The following TMOD2 variants were observed in gnomAD, a reference collection of about 807,000 sequenced individuals.
TMOD2 encodes tropomodulin 2, also known as tropomodulin-2.
A neutral mutation model predicts 39.9 loss-of-function variants in TMOD2; 22 were observed. The observed-to-expected ratio is 0.55, with a 90% confidence interval of 0.39 to 0.79. TMOD2 has a LOEUF of 0.79. TMOD2 is among the 30% of genes least tolerant of loss of function. The probability of loss-of-function intolerance (pLI) is 0.00; values close to 1 mark genes in which losing one functional copy is unlikely to be tolerated. For missense variants in TMOD2, 386 were observed against 413.3 expected, an observed-to-expected ratio of 0.93 and a Z score of 0.57; for synonymous variants, 123 against 146.1, an observed-to-expected ratio of 0.84 and a Z score of 1.14.
chr15:51,756,007 A>G (rs970305324), intron 1 of TMOD2, among the ~76,000 whole-genome samples: 2 of 152,184 alleles, frequency 1.3e-5, no homozygotes, highest in African/African-American at 4.8e-5. Flanking sequence ...GTTAAAACCC[A>G]GAAAGGCGCA....
intron 1 of TMOD2, among the ~76,000 whole-genome samples, chr15:51,755,927 A>G (rs1029479513): frequency 2.0e-5 from 3 of 152,040 alleles, no homozygotes; most frequent in East Asian, 1.9e-4. Flanking sequence ...CCCGGTGCCA[A>G]TCAGGAAGTT....
At chr15:51,807,586 A>C (rs2056129259) in intron 9 of TMOD2, among the ~76,000 whole-genome samples, 1 of 152,146 alleles carries the variant, frequency 6.6e-6, no homozygotes, top group Non-Finnish European at 1.5e-5. Flanking sequence ...TTGGGTCCAC[A>C]ACCAAACAAT....
At chr15:51,805,248 C>T (rs574947153) in intron 8 of TMOD2, among the ~76,000 whole-genome samples, 4 of 152,108 alleles carry the variant, frequency 2.6e-5, no homozygotes, top group South Asian at 2.1e-4. Context: ...GCAGGAGCCA[C>T]GGTGCCCGGC....
chr15:51,786,580 C>A (rs1032889079), intron 7 of TMOD2, among the ~76,000 whole-genome samples: 1 of 152,172 alleles, frequency 6.6e-6, no homozygotes, highest in Non-Finnish European at 1.5e-5. Flanking sequence ...GCAACTGAGA[C>A]TCAAAGAAGT....
chr15:51,799,035 C>A (rs1340201269), intron 8 of TMOD2, among the ~76,000 whole-genome samples: 1 of 152,186 alleles, frequency 6.6e-6, no homozygotes. Context: ...CCTCTTTTTC[C>A]CAGCGTCAGC....
chr15:51,786,188 C>T (rs1323464383), intron 7 of TMOD2, among the ~76,000 whole-genome samples: 1 of 152,080 alleles, frequency 6.6e-6, no homozygotes, highest in East Asian at 1.9e-4. Context: ...TCCTCCCCTC[C>T]TCACTCCCCG....
intron 1 of TMOD2, among the ~76,000 whole-genome samples, chr15:51,762,029 G>A (rs556692642): frequency 4.2e-4 from 64 of 151,826 alleles, no homozygotes; most frequent in Non-Finnish European, 7.7e-4. Context: ...GGCACCTGTA[G>A]TCCCAGCTAC....
chr15:51,794,263 A>T (rs901361466), intron 7 of TMOD2, among the ~76,000 whole-genome samples: 1 of 152,216 alleles, frequency 6.6e-6, no homozygotes, highest in African/African-American at 2.4e-5. Context: ...GCTGAGGTTA[A>T]ATAACCCTGT....
In TMOD2 at chr15:51,791,711, A is replaced by T. The variant is rs921720099; in HGVS notation, c.733-6486A>T. On this transcript the variant is annotated intron_variant, in intron 7 of 9. Transcript: ENST00000249700. ...CTCAGAAATAACACCACACATCTAC[A>T]ACCATCTGATCTTTGACAAACCTGA... Among the ~76,000 whole-genome samples, 4 of 152,204 alleles carry T rather than the reference A, an allele frequency of 2.6e-5. No homozygotes were observed. In the East Asian group the frequency reaches 7.7e-4, roughly 29 times the overall value.
chr15:51,812,717 A>G lies in TMOD2; in HGVS notation c.*4263A>G, dbSNP rs2056163863. On this transcript the variant is annotated 3_prime_UTR_variant, in exon 10 of 10. Coordinates refer to ENST00000249700, the MANE Select transcript of TMOD2 (RefSeq NM_014548.4). ...CTAGGTTCTGTGCTATGTTACCTGT[A>G]TTCAGTAGAAGTGTTTCTGGAGTCA... 6.6e-6 allele frequency: 1 copy of G among 152,214 alleles called. No homozygotes were observed. Among genetic ancestry groups the G allele is most frequent in the Non-Finnish European group, 1.5e-5 (1 of 68,038 alleles). The allele number at this position is 152,214 out of a possible 1,614,324, so 9.4% of individuals were successfully genotyped here. A position where few individuals can be genotyped will look rare whatever the true frequency, so the allele number is the denominator to read the frequency against.
chr15:51,783,785 A>AGATAGATAGATG (rs1555462163), intron 7 of TMOD2: 3 of 151,872 alleles, frequency 2.0e-5, no homozygotes, highest in African/African-American at 7.2e-5. Flanking sequence ...ATAGATAGAT[A>AGATAGATAGATG]GATAGATAAA....
At position 51,810,170 on chromosome 15, in the gene TMOD2, C is replaced by CGG. The variant is rs2056146912; in HGVS notation, c.*1716_*1717insGG. On this transcript the variant is annotated 3_prime_UTR_variant, in exon 10 of 10. Coordinates refer to ENST00000249700, the MANE Select transcript of TMOD2 (RefSeq NM_014548.4). ...CAGTCTGATTTTTCCTTCCCTTTCA[C>CGG]CCATTTAGGTGTGATGTGTTGGAGT... The CGG allele has an allele frequency of 6.6e-6, 1 of 152,126 alleles. No homozygotes were observed. The highest frequency in any genetic ancestry group is 6.5e-5 in the Admixed American group (1 of 15,270). The allele number at this position is 152,126 out of a possible 1,614,324, so 9.4% of individuals were successfully genotyped here.
At chr15:51,790,100 G>A (rs1259294145) in intron 7 of TMOD2, among the ~76,000 whole-genome samples, 2 of 151,964 alleles carry the variant, frequency 1.3e-5, no homozygotes, top group East Asian at 3.8e-4. Context: ...CAACAAAATA[G>A]ACCACTAGCA....
In TMOD2 at chr15:51,789,829, G is replaced by A. The variant is rs145389289; in HGVS notation, c.732+7001G>A. Among the ~76,000 whole-genome samples the A allele has an allele frequency of 3.7e-3, 556 of 152,222 alleles. 2 individuals carry two copies. Among genetic ancestry groups the A allele is most frequent in the Non-Finnish European group, 6.5e-3 (444 of 67,990 alleles). ...AAACCAATGAGAACAAAGACACAGC[G>A]TACCAGAATCTCTGGGACACATTTA... On this transcript the variant is annotated intron_variant, in intron 7 of 9. Coordinates refer to ENST00000249700, the MANE Select transcript of TMOD2 (RefSeq NM_014548.4).
chr15:51,769,284 A>G (rs186771451), intron 3 of TMOD2, among the ~76,000 whole-genome samples: 1 of 152,180 alleles, frequency 6.6e-6, no homozygotes, highest in South Asian at 2.1e-4. Flanking sequence ...TGCTTTACCA[A>G]CTTCAGAAGT....
chr15:51,773,967 G>A (rs946434276), intron 4 of TMOD2, 133 bp downstream of exon 4: 5 of 1,034,846 alleles, frequency 4.8e-6, no homozygotes, highest in African/African-American at 1.6e-5. Flanking sequence ...TTATGGAGCT[G>A]TAAGTCTTGA....
rs560143851 is a variant in TMOD2 at position 51,809,940 on chromosome 15, T to C, written c.*1486T>C. On this transcript the variant is annotated 3_prime_UTR_variant, in exon 10 of 10. Transcript: ENST00000249700. ...TCTGTTTAAGATAGCCCTTGTAAAATTGAACATTTACCTGTATTGTAAGTA... is the reference window on the plus strand; with the variant it reads ...TCTGTTTAAGATAGCCCTTGTAAAACTGAACATTTACCTGTATTGTAAGTA... 1.3e-5 allele frequency: 2 copies of C among 152,306 alleles called. No homozygotes were observed. Among genetic ancestry groups the C allele is most frequent in the East Asian group, 3.9e-4 (2 of 5,186 alleles). The allele number at this position is 152,306 out of a possible 1,614,324, so 9.4% of individuals were successfully genotyped here.
intron 8 of TMOD2, among the ~76,000 whole-genome samples, chr15:51,803,947 G>T (rs540158851): frequency 6.6e-6 from 1 of 152,220 alleles, no homozygotes; most frequent in South Asian, 2.1e-4. Context: ...TATAGACAAA[G>T]ATTAAAAAGG....
At chr15:51,795,666 G>A (rs561211388) in intron 7 of TMOD2, among the ~76,000 whole-genome samples, 23 of 140,936 alleles carry the variant, frequency 1.6e-4, no homozygotes, top group African/African-American at 5.9e-4. Context: ...TTAGATGAAT[G>A]TTGAATCTCT....
Sources: allele counts gnomAD v4.1 joint callset (sites outside exome capture counted in the v4.1 genomes callset), GRCh38; gene constraint gnomAD v4.1.1; transcripts MANE v1.5; gene names NCBI Gene and HGNC (gene_info 2026-07-23, HGNC 2026-07-21).